TECTA: variants seen among roughly 807,000 people sequenced by gnomAD.
TECTA encodes tectorin alpha.
In TECTA, 128 loss-of-function variants were observed where a neutral mutation model predicts 216.8. The observed-to-expected ratio is 0.59, with a 90% CI of 0.51 to 0.68. The LOEUF is 0.68. Ranked by LOEUF, TECTA falls within the 30% of genes least tolerant of loss-of-function variation. The pLI, the probability that TECTA is intolerant of heterozygous loss-of-function variation, is 0.00. For missense variants in TECTA, 2,551 were observed against 2,786.2 expected (o/e 0.92, Z 1.90); for synonymous variants, 1,089 against 1,117.1 (o/e 0.97, Z 0.50).
chr11:121,186,678 T>G (rs889525522), intron 20 of TECTA, among the ~76,000 whole-genome samples: 8 of 152,262 alleles, frequency 5.3e-5, no homozygotes, highest in Non-Finnish European at 8.8e-5. Flanking sequence ...AAAAGCAACT[T>G]GCATTTTGCC....
In TECTA at chr11:121,113,555, A is replaced by G; in HGVS notation, c.627A>G (p.Ala209=). ...CTTGTCTTCCTTTTGTGCTGCAGGCAGGATTTAATGGTGGAAACCTCACCA... is the reference window on the plus strand; with the variant it reads ...CTTGTCTTCCTTTTGTGCTGCAGGCGGGATTTAATGGTGGAAACCTCACCA... The part of the protein sequence containing the change: ...LTGLGGVMAQ[A]GFNGGNLTNF... The change falls in exon 6 of 24, where the codon GCA becomes GCG. Residue 209 remains alanine, a splice_region_variant and synonymous_variant. Transcript: ENST00000392793. This position sits in a 1 kb window ranked among gnomAD's most constrained non-coding sequence, Gnocchi z 4.2. 1.9e-6 allele frequency: 3 copies of G among 1,614,090 alleles called. No homozygotes were observed. The highest frequency in any genetic ancestry group is 2.5e-6 in the Non-Finnish European group (3 of 1,180,038).
chr11:121,170,175 G>T (rs1473112570), intron 20 of TECTA, among the ~76,000 whole-genome samples: 4 of 152,094 alleles, frequency 2.6e-5, no homozygotes, highest in Non-Finnish European at 5.9e-5. Flanking sequence ...TGTTGCAAAT[G>T]ATAGGATTTC....
chr11:121,131,038 C>G (rs1946669323), intron 10 of TECTA, among the ~76,000 whole-genome samples: 1 of 151,960 alleles, frequency 6.6e-6, no homozygotes, highest in Non-Finnish European at 1.5e-5. Context: ...CATGGGGAAA[C>G]CCTGTCTCTA....
intron 23 of TECTA, 84 bp downstream of exon 23, chr11:121,189,964 G>T (rs1426410227): frequency 1.5e-5 from 17 of 1,152,622 alleles, no homozygotes; most frequent in Non-Finnish European, 2.2e-5. Flanking sequence ...AGATTTGAAG[G>T]CCACTCGGTC....
At chr11:121,187,769 G>A in intron 20 of TECTA, 63 bp from the exon 21 acceptor site, 6 of 1,588,228 alleles carry the variant, frequency 3.8e-6, no homozygotes, top group Admixed American at 1.7e-5. Flanking sequence ...TGAACTGAAG[G>A]TGAGGATTAA....
intron 4 of TECTA, among the ~76,000 whole-genome samples, chr11:121,112,125 A>T (rs1946447476): frequency 6.6e-6 from 1 of 152,206 alleles, no homozygotes; most frequent in Non-Finnish European, 1.5e-5. Flanking sequence ...TTTCTATTAA[A>T]TTTTTTGAAA....
At chr11:121,186,057 TA>T (rs1947282560) in intron 20 of TECTA, among the ~76,000 whole-genome samples, 1 of 106,046 alleles carries the variant, frequency 9.4e-6, no homozygotes, top group East Asian at 2.4e-4. Flanking sequence ...GTTCAGTGCT[TA>T]ATGAATGAGT....
intron 20 of TECTA, among the ~76,000 whole-genome samples, chr11:121,171,737 T>A (rs1349884906): frequency 6.6e-6 from 1 of 152,200 alleles, no homozygotes; most frequent in Non-Finnish European, 1.5e-5. Context: ...TGTATAAAAA[T>A]GCTACTGATT....
At position 121,109,200 on chromosome 11, in the gene TECTA, T is replaced by C. The variant is rs1162861101; in HGVS notation, c.199-11T>C. 1 of 1,614,112 alleles carries C rather than the reference T, an allele frequency of 6.2e-7. No homozygotes were observed. ...CAGATCCACTGTGCAAAACCTCTCTTATTTTCGTAGGTCAATAACAACGGA... is the reference window on the plus strand; with the variant it reads ...CAGATCCACTGTGCAAAACCTCTCTCATTTTCGTAGGTCAATAACAACGGA... On this transcript the variant is annotated splice_polypyrimidine_tract_variant and intron_variant, in intron 3 of 23. Coordinates refer to ENST00000392793, the MANE Select transcript of TECTA (RefSeq NM_005422.4).
chr11:121,190,657 C>A, intron 23 of TECTA, 49 bp from the exon 24 acceptor site: 1 of 1,372,666 alleles, frequency 7.3e-7, no homozygotes, highest in Non-Finnish European at 1.0e-6. Context: ...CCCTATCAAA[C>A]AGGTATTTTT....
Position 121,181,562 on chromosome 11 carries a change from C to T in TECTA, c.6000-6270C>T, listed in dbSNP as rs562064015. Among the ~76,000 whole-genome samples, 17 of 152,118 alleles carry T rather than the reference C, an allele frequency of 1.1e-4. No homozygotes were observed. In the South Asian group the frequency reaches 1.2e-3, roughly 11 times the overall value. ...TCAGTTCACCACAACCTCTGCCTCCCGGGTTCAAGTGATTCTCCTGCCTCA... is the reference window on the plus strand; with the variant it reads ...TCAGTTCACCACAACCTCTGCCTCCTGGGTTCAAGTGATTCTCCTGCCTCA... On this transcript the variant is annotated intron_variant, in intron 20 of 23. Transcript: ENST00000392793.
intron 1 of TECTA, 55 bp from the exon 2 acceptor site, chr11:121,102,610 C>T (rs1241874497): frequency 1.4e-6 from 2 of 1,384,658 alleles, no homozygotes; most frequent in East Asian, 2.3e-5. Flanking sequence ...ACCTGGTGTT[C>T]TGTTTACTCT....
At chr11:121,163,331 A>G (rs572993010) in intron 16 of TECTA, among the ~76,000 whole-genome samples, 3 of 151,958 alleles carry the variant, frequency 2.0e-5, no homozygotes, top group South Asian at 4.2e-4. Context: ...AATATTTGTT[A>G]TTAGTATTTT....
intron 8 of TECTA, among the ~76,000 whole-genome samples, chr11:121,126,883 C>G (rs576901424): frequency 3.9e-5 from 6 of 152,324 alleles, no homozygotes; most frequent in Admixed American, 2.0e-4. Context: ...TTGATCCTTA[C>G]AAGAGCATCC....
At chr11:121,142,678 A>G (rs1946795818) in intron 11 of TECTA, among the ~76,000 whole-genome samples, 1 of 152,156 alleles carries the variant, frequency 6.6e-6, no homozygotes, top group Non-Finnish European at 1.5e-5. Flanking sequence ...GTGAGCTTTC[A>G]GGACAGATCA....
intron 1 of TECTA, among the ~76,000 whole-genome samples, chr11:121,102,299 G>A (rs530156417): frequency 1.3e-5 from 2 of 152,290 alleles, no homozygotes; most frequent in Admixed American, 6.5e-5. Flanking sequence ...GACACAACCC[G>A]GGACCTGCAT....
intron 15 of TECTA, among the ~76,000 whole-genome samples, chr11:121,160,735 G>C (rs1946990690): frequency 6.6e-6 from 1 of 152,200 alleles, no homozygotes; most frequent in Non-Finnish European, 1.5e-5. Context: ...ATGGGACCTA[G>C]GCACCTCTGC....
At chr11:121,177,886 G>A (rs1011026105) in intron 20 of TECTA, among the ~76,000 whole-genome samples, 1 of 152,172 alleles carries the variant, frequency 6.6e-6, no homozygotes, top group African/African-American at 2.4e-5. Flanking sequence ...GCAATGGTGG[G>A]CGCCCCTCCC....
intron 3 of TECTA, 45 bp downstream of exon 3, chr11:121,106,009 T>C: frequency 6.2e-7 from 1 of 1,614,078 alleles, no homozygotes; most frequent in Non-Finnish European, 8.5e-7. Flanking sequence ...GCCCTCCCTT[T>C]TGTTTGTCAT....
Sources: allele counts gnomAD v4.1 joint callset (sites outside exome capture counted in the v4.1 genomes callset), GRCh38; gene constraint gnomAD v4.1.1; non-coding constraint Gnocchi (gnomAD v3.1); transcripts MANE v1.5; gene names NCBI Gene and HGNC (gene_info 2026-07-23, HGNC 2026-07-21).